The following TTC7A variants were observed in gnomAD, a reference collection of about 807,000 sequenced individuals.
TTC7A encodes tetratricopeptide repeat domain 7A, also known as tetratricopeptide repeat protein 7A.
In TTC7A, 110 loss-of-function variants were observed where a neutral mutation model predicts 103.7. The observed-to-expected ratio is 1.06, with a 90% CI of 0.91 to 1.24. The LOEUF (loss-of-function observed/expected upper bound fraction) is 1.24, where lower values mean the gene tolerates loss of function less well. TTC7A is among the 50% of genes most tolerant of loss of function. The pLI is 0.00. For synonymous variants in TTC7A, 521 were observed against 467.9 expected, an observed-to-expected ratio of 1.11 and a Z score of -1.47; for missense variants, 1,340 against 1,116.3, an observed-to-expected ratio of 1.20 and a Z score of -2.86.
intron 11 of TTC7A, among the ~76,000 whole-genome samples, chr2:47,012,003 G>T (rs10193261): frequency 0.097 from 14,777 of 152,280 alleles, 1,139 homozygotes; most frequent in African/African-American, 0.21. Flanking sequence ...TCTTTCCCCA[G>T]TTCGAGGCCT....
In TTC7A at chr2:46,978,836, G is replaced by A. The variant is rs542007144; in HGVS notation, c.693G>A (p.Pro231=). ...STSRHLKGCH[P]LDYELTYFLE... is the part of the protein sequence containing the mutation. ...CGAGGCATCTGAAAGGCTGTCACCC[G>A]CTTGACTATGAGCTCACCTACTTCC... is the stretch of plus-strand genomic sequence containing the variant. The change falls in exon 5 of 20, where the codon CCG becomes CCA. Residue 231 remains proline (P), a synonymous_variant. Coordinates refer to ENST00000319190, the MANE Select transcript of TTC7A (RefSeq NM_020458.4). 38 of 1,613,984 alleles carry A rather than the reference G, an allele frequency of 2.4e-5. No homozygotes were observed. The highest frequency in any genetic ancestry group is 1.1e-4 in the South Asian group (10 of 91,072).
chr2:46,948,742 G>T (rs2075097433), intron 1 of TTC7A, among the ~76,000 whole-genome samples: 1 of 152,164 alleles, frequency 6.6e-6, no homozygotes, highest in Non-Finnish European at 1.5e-5. Context: ...CTACAGGCTT[G>T]CACTACTGTG....
chr2:47,059,380 T>G (rs1188946029), intron 18 of TTC7A, among the ~76,000 whole-genome samples: 2 of 152,154 alleles, frequency 1.3e-5, no homozygotes, highest in East Asian at 3.9e-4. Context: ...GCTGTCAGGA[T>G]TAATGAGAAA....
intron 3 of TTC7A, among the ~76,000 whole-genome samples, chr2:46,959,632 C>T (rs909023647): frequency 6.6e-6 from 1 of 152,144 alleles, no homozygotes; most frequent in Non-Finnish European, 1.5e-5. Flanking sequence ...AAACATATTC[C>T]CCTCACCCTC....
At chr2:46,984,954 G>C (rs922147766) in intron 5 of TTC7A, among the ~76,000 whole-genome samples, 2 of 152,168 alleles carry the variant, frequency 1.3e-5, no homozygotes, top group African/African-American at 4.8e-5. Context: ...ACGGTGCGCT[G>C]ACTCCCACCC....
chr2:47,023,909 G>A (rs1400360571), intron 13 of TTC7A, among the ~76,000 whole-genome samples: 2 of 146,240 alleles, frequency 1.4e-5, no homozygotes, highest in Non-Finnish European at 3.0e-5. Context: ...GGATTTCCTG[G>A]CATATGCTCA....
intron 15 of TTC7A, chr2:47,034,300 C>G (rs1425127688): frequency 6.6e-6 from 1 of 152,234 alleles, no homozygotes; most frequent in Non-Finnish European, 1.5e-5. Flanking sequence ...CAGCAGCTCC[C>G]TATCCAGGCC....
intron 2 of TTC7A, among the ~76,000 whole-genome samples, chr2:46,950,745 G>T (rs1671339430): frequency 6.6e-6 from 1 of 152,124 alleles, no homozygotes; most frequent in Non-Finnish European, 1.5e-5. Context: ...CATACACAAG[G>T]TTTCAAAGAC....
intron 19 of TTC7A, among the ~76,000 whole-genome samples, chr2:47,070,427 T>G (rs1286465371): frequency 6.6e-6 from 1 of 152,228 alleles, no homozygotes; most frequent in African/African-American, 2.4e-5. Flanking sequence ...GTCTCTGGGT[T>G]CCCTGGCTCT....
intron 16 of TTC7A, among the ~76,000 whole-genome samples, chr2:47,049,421 TCCAGGGGCTACCCCTGGAGATCTGCCACC>T (rs1682642964): frequency 1.3e-5 from 2 of 151,748 alleles, no homozygotes; most frequent in Admixed American, 6.6e-5. Flanking sequence ...AGATGGGATC[TCCAGGGGCTACCCCTGGAGATCTGCCACC>T]CCAGGGGCCT....
chr2:47,018,564 A>G (rs1462813472), intron 11 of TTC7A, among the ~76,000 whole-genome samples: 4 of 148,830 alleles, frequency 2.7e-5, no homozygotes, highest in Admixed American at 2.7e-4. Context: ...AGCTTGGGAT[A>G]CAGAGTGAGA....
intron 2 of TTC7A, among the ~76,000 whole-genome samples, chr2:46,922,637 A>G (rs1056550573): frequency 2.0e-5 from 3 of 152,040 alleles, no homozygotes; most frequent in Non-Finnish European, 4.4e-5. Context: ...ATGTACTTCA[A>G]TCCCTGAAGG....
At chr2:47,067,745 G>A (rs569178723) in intron 19 of TTC7A, 19 of 152,260 alleles carry the variant, frequency 1.2e-4, no homozygotes, top group African/African-American at 4.6e-4. Flanking sequence ...ACCTAGGGCT[G>A]TTGTTAGAAT....
intron 8 of TTC7A, among the ~76,000 whole-genome samples, chr2:47,005,237 G>T (rs1356438161): frequency 2.0e-5 from 3 of 152,132 alleles, no homozygotes; most frequent in Non-Finnish European, 2.9e-5. Context: ...GAAGGGAGGG[G>T]GGGGCTCTGG....
chr2:47,034,006 G>C (rs984379377), intron 15 of TTC7A: 26 of 152,266 alleles, frequency 1.7e-4, no homozygotes, highest in Admixed American at 5.9e-4. Flanking sequence ...TGGAACTTTT[G>C]AAAAGCCTTC....
chr2:47,017,145 A>C (rs1678743444), intron 11 of TTC7A, among the ~76,000 whole-genome samples: 1 of 139,174 alleles, frequency 7.2e-6, no homozygotes, highest in African/African-American at 2.7e-5. Context: ...GGTTGCAGTG[A>C]GTCAAGATCA....
chr2:47,029,473 G>A, intron 15 of TTC7A, 89 bp downstream of exon 15: 2 of 1,456,200 alleles, frequency 1.4e-6, no homozygotes, highest in Non-Finnish European at 1.9e-6. Flanking sequence ...CATGGTGTCA[G>A]CCAACACACA....
rs1277015250 is a variant in TTC7A at position 47,074,080 on chromosome 2, G to T, written c.*157G>T. 2 of 616,376 alleles carry T rather than the reference G, an allele frequency of 3.2e-6. No individual in the cohort carries two copies. Among genetic ancestry groups the T allele is most frequent in the Admixed American group, 5.9e-5 (2 of 33,956 alleles). 38.2% of individuals were successfully genotyped at this position (616,376 alleles called of 1,614,324 possible). ...GCTGCAGCCCTCGTTCTCTTGGCTG[G>T]GCCAAGAGGGCCTTCCTGGATTTCT... On this transcript the variant is annotated 3_prime_UTR_variant, in exon 20 of 20. Coordinates refer to ENST00000319190, the MANE Select transcript of TTC7A (RefSeq NM_020458.4).
At chr2:46,993,357 G>A in intron 5 of TTC7A, 93 bp from the exon 6 acceptor site, 1 of 1,213,572 alleles carries the variant, frequency 8.2e-7, no homozygotes, top group Non-Finnish European at 1.2e-6. Context: ...AACTCCAGCA[G>A]TCAGCTCCTC....
Sources: allele counts gnomAD v4.1 joint callset (sites outside exome capture counted in the v4.1 genomes callset), GRCh38; gene constraint gnomAD v4.1.1; transcripts MANE v1.5; gene names NCBI Gene and HGNC (gene_info 2026-07-23, HGNC 2026-07-21).